The following GNA12 variants were observed in gnomAD, a reference collection of about 807,000 sequenced individuals.
The protein encoded by GNA12 is G protein subunit alpha 12.
In GNA12, 9 loss-of-function variants were observed where a neutral mutation model predicts 26.0. The observed-to-expected ratio is 0.35, with a 90% CI of 0.21 to 0.60. GNA12 has a LOEUF of 0.60. Ranked by LOEUF, GNA12 falls within the 20% of genes least tolerant of loss-of-function variation. GNA12 has a pLI of 0.78. For synonymous variants in GNA12, 264 were observed against 219.6 expected (o/e 1.20, Z -1.79); for missense variants, 405 against 525.8 (o/e 0.77, Z 2.25).
At chr7:2,815,994 G>A (rs536389372) in intron 1 of GNA12, among the ~76,000 whole-genome samples, 93 of 152,362 alleles carry the variant, frequency 6.1e-4, no homozygotes, top group Non-Finnish European at 2.9e-4. Context: ...GGGCCTGCGT[G>A]GAACTGACCC....
chr7:2,830,079 T>C (rs1793567886), intron 1 of GNA12, among the ~76,000 whole-genome samples: 1 of 152,198 alleles, frequency 6.6e-6, no homozygotes, highest in Non-Finnish European at 1.5e-5. Context: ...TCCTTTTGAG[T>C]GTTCTCCCCG....
chr7:2,840,570 C>T (rs912474703), intron 1 of GNA12, among the ~76,000 whole-genome samples: 3 of 152,222 alleles, frequency 2.0e-5, no homozygotes, highest in Non-Finnish European at 4.4e-5. Context: ...TTTAAAGTCC[C>T]TTCCCTGGCC....
chr7:2,748,756 A>C (rs1790886324), intron 2 of GNA12, among the ~76,000 whole-genome samples: 1 of 152,132 alleles, frequency 6.6e-6, no homozygotes, highest in African/African-American at 2.4e-5. Context: ...TTTGCAACCT[A>C]CTCATCTGAC....
intron 2 of GNA12, among the ~76,000 whole-genome samples, chr7:2,740,484 AC>A (rs1364545722): frequency 6.6e-6 from 1 of 152,078 alleles, no homozygotes; most frequent in African/African-American, 2.4e-5. Flanking sequence ...TGGTGCTGCC[AC>A]CCAGATCCTC....
intron 2 of GNA12, among the ~76,000 whole-genome samples, chr7:2,743,077 C>T (rs1790591271): frequency 1.3e-5 from 2 of 152,092 alleles, no homozygotes; most frequent in South Asian, 4.1e-4. Flanking sequence ...ACCAGGACTG[C>T]CAAGGGGTAA....
chr7:2,777,086 C>T (rs1357442698), intron 2 of GNA12, among the ~76,000 whole-genome samples: 1 of 152,140 alleles, frequency 6.6e-6, no homozygotes, highest in Non-Finnish European at 1.5e-5. Context: ...CCCCCTAGTC[C>T]TGCACCTGTG....
rs149065340 is a variant in GNA12 at position 2,836,523 on chromosome 7, G to C, written c.309+7330C>G. 4.6e-3 allele frequency among the ~76,000 whole-genome samples: 704 copies of C among 152,248 alleles called. 8 individuals are homozygous for C. Among genetic ancestry groups the C allele is most frequent in the African/African-American group, 0.016 (656 of 41,538 alleles). ...AGCCTCCAAGCTGGAACAGCCAAAA[G>C]GTACAGAGAAAAAGAACTCCAAGAA... On this transcript the variant is annotated intron_variant, in intron 1 of 3. Coordinates refer to ENST00000275364, the MANE Select transcript of GNA12 (RefSeq NM_007353.3).
chr7:2,801,780 C>G (rs543064114), intron 1 of GNA12, among the ~76,000 whole-genome samples: 1 of 152,146 alleles, frequency 6.6e-6, no homozygotes, highest in South Asian at 2.1e-4. Flanking sequence ...CAACTTTGTT[C>G]TGAAAATCCA....
At chr7:2,750,695 G>A (rs1229647597) in intron 2 of GNA12, among the ~76,000 whole-genome samples, 1 of 152,182 alleles carries the variant, frequency 6.6e-6, no homozygotes, top group Admixed American at 6.5e-5. Context: ...CCACGGACAC[G>A]GGGGACTATT....
intron 2 of GNA12, among the ~76,000 whole-genome samples, chr7:2,751,763 C>T (rs969889371): frequency 1.3e-5 from 2 of 152,104 alleles, no homozygotes; most frequent in Admixed American, 6.5e-5. Flanking sequence ...ACATCTTATA[C>T]GAAATGGACA....
At chr7:2,735,793 G>A (rs559875344) in intron 2 of GNA12, among the ~76,000 whole-genome samples, 7 of 152,188 alleles carry the variant, frequency 4.6e-5, no homozygotes, top group African/African-American at 1.7e-4. Flanking sequence ...TGTCAGGGCG[G>A]CCTCATCTCG....
At chr7:2,837,279 G>C (rs1778865302) in intron 1 of GNA12, among the ~76,000 whole-genome samples, 1 of 152,162 alleles carries the variant, frequency 6.6e-6, no homozygotes, top group Non-Finnish European at 1.5e-5. Context: ...CCTAGAATCA[G>C]CAACGCCCAG....
chr7:2,818,449 A>G (rs1327437641), intron 1 of GNA12, among the ~76,000 whole-genome samples: 2 of 152,226 alleles, frequency 1.3e-5, no homozygotes, highest in African/African-American at 4.8e-5. Context: ...AGCTTGTAAT[A>G]AAGAAAATAC....
At chr7:2,770,534 A>G (rs1336752724) in intron 2 of GNA12, among the ~76,000 whole-genome samples, 1 of 152,086 alleles carries the variant, frequency 6.6e-6, no homozygotes, top group Admixed American at 6.5e-5. Context: ...AGTGGGGGAA[A>G]TCTCTTGAGC....
chr7:2,786,976 G>T (rs1792377871), intron 2 of GNA12, among the ~76,000 whole-genome samples: 1 of 152,200 alleles, frequency 6.6e-6, no homozygotes. Context: ...GTGACACCAT[G>T]AACACGGGGT....
At chr7:2,770,576 A>G (rs1220980827) in intron 2 of GNA12, among the ~76,000 whole-genome samples, 1 of 152,158 alleles carries the variant, frequency 6.6e-6, no homozygotes, top group African/African-American at 2.4e-5. Flanking sequence ...GAGCTACGAT[A>G]AGCGTGCCTG....
chr7:2,781,256 G>A (rs766573959), intron 2 of GNA12, among the ~76,000 whole-genome samples: 2 of 152,046 alleles, frequency 1.3e-5, no homozygotes, highest in Non-Finnish European at 1.5e-5. Context: ...TCTTGGATTT[G>A]TACTTTTAGT....
chr7:2,762,895 T>A (rs772546196), intron 2 of GNA12: 125 of 1,425,388 alleles, frequency 8.8e-5, no homozygotes, highest in Non-Finnish European at 1.1e-4. Flanking sequence ...CCATTGGTGC[T>A]GCGGCGGGGA....
intron 2 of GNA12, among the ~76,000 whole-genome samples, chr7:2,793,785 A>C (rs1792579447): frequency 1.4e-5 from 2 of 147,858 alleles, no homozygotes; most frequent in African/African-American, 5.0e-5. Context: ...CGGGAGGCTG[A>C]GGTGGGAGAA....
Sources: gnomAD v4.1 joint callset for allele counts (sites outside exome capture counted in the v4.1 genomes callset) on GRCh38, gnomAD v4.1.1 for gene constraint, MANE v1.5 for transcripts, NCBI Gene and HGNC (gene_info 2026-07-23, HGNC 2026-07-21) for gene names.